The following GTF2F2 variants were observed in gnomAD, a reference collection of about 807,000 sequenced individuals.
GTF2F2 encodes the protein general transcription factor IIF subunit 2, also known as ATP-dependent helicase GTF2F2.
In GTF2F2, 23 loss-of-function variants were observed where a neutral mutation model predicts 42.2. That is an observed-to-expected ratio of 0.55 (90% confidence interval 0.39 to 0.77). The LOEUF is 0.77. Among genes scored for constraint, GTF2F2 ranks in the 30% least tolerant of loss-of-function variants. The pLI is 0.00. For missense variants in GTF2F2, 261 were observed against 287.2 expected (o/e 0.91, Z 0.66); for synonymous variants, 105 against 100.8 (o/e 1.04, Z -0.25).
At chr13:45,241,128 C>T (rs992400787) in intron 5 of GTF2F2, among the ~76,000 whole-genome samples, 29 of 150,976 alleles carry the variant, frequency 1.9e-4, no homozygotes, top group African/African-American at 7.0e-4. Flanking sequence ...CCACTGCACT[C>T]TCCAACCTGG....
At chr13:45,165,853 A>C (rs1457776512) in intron 4 of GTF2F2, among the ~76,000 whole-genome samples, 1 of 99,614 alleles carries the variant, frequency 1.0e-5, no homozygotes, top group South Asian at 3.0e-4. Context: ...CAATCTTCTT[A>C]CCCAGGCTGG....
At chr13:45,190,919 T>A (rs1214199610) in intron 4 of GTF2F2, among the ~76,000 whole-genome samples, 8 of 148,384 alleles carry the variant, frequency 5.4e-5, no homozygotes, top group Non-Finnish European at 7.4e-5. Flanking sequence ...TGTGGCAAAT[T>A]GAAATACAAG....
chr13:45,153,898 A>T (rs1870621453), intron 4 of GTF2F2, among the ~76,000 whole-genome samples: 1 of 148,676 alleles, frequency 6.7e-6, no homozygotes. Context: ...AATTGTGTGA[A>T]CCCAGGAGGT....
At chr13:45,216,223 G>GA (rs1246632948) in intron 5 of GTF2F2, among the ~76,000 whole-genome samples, 4 of 151,290 alleles carry the variant, frequency 2.6e-5, no homozygotes, top group Non-Finnish European at 4.4e-5. Context: ...GTCTCAAGAG[G>GA]AAAAAAAAGA....
Position 45,283,681 on chromosome 13 carries a change from C to T in GTF2F2, c.*120C>T. On this transcript the variant is annotated 3_prime_UTR_variant, in exon 8 of 8. Coordinates refer to ENST00000340473, the MANE Select transcript of GTF2F2 (RefSeq NM_004128.3). ...GGGTTAAGTGACAGTACTTTGATTT[C>T]TCTCGGTAAATTTTTTAAACCTGTA... 1.3e-6 allele frequency: 1 copy of T among 750,958 alleles called. No individual in the cohort carries two copies. Among genetic ancestry groups the T allele is most frequent in the Non-Finnish European group, 1.9e-6 (1 of 526,656 alleles). 46.5% of individuals were successfully genotyped at this position (750,958 alleles called of 1,614,324 possible). A position where few individuals can be genotyped will look rare whatever the true frequency, so the allele number is the denominator to read the frequency against.
intron 7 of GTF2F2, among the ~76,000 whole-genome samples, chr13:45,267,943 C>G (rs1593527394): frequency 6.6e-6 from 1 of 151,226 alleles, no homozygotes; most frequent in East Asian, 2.0e-4. Context: ...ACAAATTTAA[C>G]AAATTCGTAT....
chr13:45,245,959 A>G (rs990513395), intron 5 of GTF2F2, among the ~76,000 whole-genome samples: 6 of 147,966 alleles, frequency 4.1e-5, no homozygotes, highest in Non-Finnish European at 7.4e-5. Flanking sequence ...AAAAAAAAGT[A>G]TTCCCTTTTC....
intron 5 of GTF2F2, among the ~76,000 whole-genome samples, chr13:45,207,752 A>G (rs1410590499): frequency 6.6e-6 from 1 of 152,232 alleles, no homozygotes; most frequent in Admixed American, 6.5e-5. Context: ...TTTTTAAACT[A>G]CATTTTCTAG....
chr13:45,247,996 C>T (rs1297079104), intron 5 of GTF2F2, among the ~76,000 whole-genome samples: 1 of 152,030 alleles, frequency 6.6e-6, no homozygotes, highest in Non-Finnish European at 1.5e-5. Context: ...AGGCGTGCAT[C>T]ACCACACCTG....
intron 5 of GTF2F2, among the ~76,000 whole-genome samples, chr13:45,222,158 T>C (rs1047418717): frequency 6.6e-6 from 1 of 152,210 alleles, no homozygotes; most frequent in Non-Finnish European, 1.5e-5. Context: ...ACATACTGAC[T>C]ATATCTCCAC....
At chr13:45,185,112 C>T (rs1457542278) in intron 4 of GTF2F2, among the ~76,000 whole-genome samples, 2 of 152,074 alleles carry the variant, frequency 1.3e-5, no homozygotes, top group East Asian at 1.9e-4. Flanking sequence ...TGCGACACCC[C>T]GCTTAGCCCA....
chr13:45,253,149 T>C (rs1017945198), intron 6 of GTF2F2, among the ~76,000 whole-genome samples, 179 bp downstream of exon 6: 13 of 151,904 alleles, frequency 8.6e-5, no homozygotes, highest in Admixed American at 5.2e-4. Flanking sequence ...ACAGAAAAGA[T>C]GTTCACTCTA....
chr13:45,212,475 C>CTT (rs368606152), intron 5 of GTF2F2, among the ~76,000 whole-genome samples: 1 of 90,382 alleles, frequency 1.1e-5, no homozygotes, highest in African/African-American at 4.7e-5. Context: ...TTCTTTCTTT[C>CTT]TTTCTTTCTT....
intron 2 of GTF2F2, among the ~76,000 whole-genome samples, chr13:45,142,688 TGCTTGAAAAC>T: frequency 6.6e-6 from 1 of 152,318 alleles, no homozygotes; most frequent in African/African-American, 2.4e-5. Flanking sequence ...GCTATGAAAA[TGCTTGAAAAC>T]AGCTTGTTGC....
intron 5 of GTF2F2, among the ~76,000 whole-genome samples, chr13:45,246,961 C>G (rs1216996796): frequency 6.6e-6 from 1 of 151,782 alleles, no homozygotes; most frequent in Non-Finnish European, 1.5e-5. Context: ...TGGTGTGAAC[C>G]CGGGAGGCGG....
rs565129833 is a variant in GTF2F2, at chr13:45,283,814, G to A, written c.*253G>A. 77 of 197,934 alleles carry A rather than the reference G, an allele frequency of 3.9e-4. No individual in the cohort carries two copies. Among genetic ancestry groups the A allele is most frequent in the African/African-American group, 1.8e-3 (76 of 43,084 alleles). 12.3% of individuals were successfully genotyped at this position (197,934 alleles called of 1,614,324 possible). ...TTCACAGTAGGAATAGGGGTTGGAG[G>A]ATTAAGAGGGTTTTTCTTAAATATT... On this transcript the variant is annotated 3_prime_UTR_variant, in exon 8 of 8. Coordinates refer to ENST00000340473, the MANE Select transcript of GTF2F2 (RefSeq NM_004128.3).
At chr13:45,146,265 G>A (rs769951476) in intron 2 of GTF2F2, among the ~76,000 whole-genome samples, 4 of 152,114 alleles carry the variant, frequency 2.6e-5, no homozygotes, top group African/African-American at 9.7e-5. Context: ...CGAGGCCAAG[G>A]CAGGAGGATC....
intron 5 of GTF2F2, among the ~76,000 whole-genome samples, chr13:45,224,626 T>TGGTACACTCCA (rs1291991782): frequency 3.3e-5 from 5 of 152,370 alleles, no homozygotes; most frequent in African/African-American, 1.2e-4. Context: ...GTTAATGTGA[T>TGGTACACTCCA]ACACTTGTAC....
intron 5 of GTF2F2, among the ~76,000 whole-genome samples, chr13:45,235,833 G>C (rs1874948862): frequency 6.6e-6 from 1 of 151,986 alleles, no homozygotes; most frequent in African/African-American, 2.4e-5. Context: ...TCGAACTCCT[G>C]ACCTCAGGTG....
Sources: gnomAD v4.1 joint callset for allele counts (sites outside exome capture counted in the v4.1 genomes callset) on GRCh38, gnomAD v4.1.1 for gene constraint, MANE v1.5 for transcripts, NCBI Gene and HGNC (gene_info 2026-07-23, HGNC 2026-07-21) for gene names.